FHOD3: variants seen among roughly 807,000 people sequenced by gnomAD.
FHOD3 encodes the protein formin homology 2 domain containing 3, also known as FH1/FH2 domain-containing protein 3.
Under a neutral mutation model 173.0 loss-of-function variants are expected in FHOD3, and 90 were observed. The ratio of observed to expected loss-of-function variants is 0.52; its 90% confidence interval spans 0.44 to 0.62. The LOEUF is 0.62. FHOD3 is among the 20% of genes least tolerant of loss of function. The probability of loss-of-function intolerance (pLI) is 0.00; values close to 1 mark genes in which losing one functional copy is unlikely to be tolerated. For missense variants in FHOD3, 1,945 were observed against 2,034.7 expected (o/e 0.96, Z 0.85); for synonymous variants, 828 against 823.0 (o/e 1.01, Z -0.10).
chr18:36,683,739 A>T (rs2038411370), intron 15 of FHOD3, among the ~76,000 whole-genome samples: 1 of 152,232 alleles, frequency 6.6e-6, no homozygotes, highest in Non-Finnish European at 1.5e-5. Context: ...CCTCCCAAAC[A>T]ATATTGCTAC....
At chr18:36,712,504 T>C (rs2040224033) in intron 18 of FHOD3, among the ~76,000 whole-genome samples, 1 of 151,172 alleles carries the variant, frequency 6.6e-6, no homozygotes. Flanking sequence ...GGCTTAATAG[T>C]AGATTGGAGA....
At chr18:36,515,182 G>A (rs1441932962) in intron 5 of FHOD3, among the ~76,000 whole-genome samples, 3 of 152,262 alleles carry the variant, frequency 2.0e-5, no homozygotes, top group East Asian at 3.9e-4. Context: ...CTCTACCTTA[G>A]TGAATATTTA....
chr18:36,323,133 T>A (rs770126596), intron 1 of FHOD3, among the ~76,000 whole-genome samples: 3 of 152,064 alleles, frequency 2.0e-5, no homozygotes, highest in Non-Finnish European at 4.4e-5. Context: ...ACTCAGGAAA[T>A]GTCTAGCCCA....
At position 36,372,766 on chromosome 18, in the gene FHOD3, G is replaced by A. The variant is rs771703209; in HGVS notation, c.337+22G>A. On this transcript the variant is annotated intron_variant, in intron 3 of 28. Coordinates refer to ENST00000590592, the MANE Select transcript of FHOD3 (RefSeq NM_001281740.3). Reference sequence around the variant, plus strand: ...ATCGGTGAGTGACACCTGCCCTCAGGAACTAAACATATGATGAAAGACGCG... The same window carrying A: ...ATCGGTGAGTGACACCTGCCCTCAGAAACTAAACATATGATGAAAGACGCG... 5 of 1,607,510 alleles carry A rather than the reference G, an allele frequency of 3.1e-6. No homozygotes were observed. In the Admixed American group the frequency reaches 6.7e-5, roughly 21 times the overall value.
chr18:36,451,912 G>A (rs965802337), intron 3 of FHOD3, among the ~76,000 whole-genome samples: 6 of 152,132 alleles, frequency 3.9e-5, no homozygotes, highest in Non-Finnish European at 5.9e-5. Context: ...GATAGCAGCC[G>A]CCCTCTGGAC....
chr18:36,339,442 G>C (rs1009126486), intron 1 of FHOD3, among the ~76,000 whole-genome samples: 1 of 152,210 alleles, frequency 6.6e-6, no homozygotes, highest in African/African-American at 2.4e-5. Context: ...GCAGAAGGGG[G>C]CTCTGCACTT....
Position 36,602,687 on chromosome 18 carries a change from G to C in FHOD3, c.732G>C (p.Trp244Cys). The C allele has an allele frequency of 6.2e-7, 1 of 1,614,026 alleles. No homozygotes were observed. The highest frequency in any genetic ancestry group is 1.1e-5 in the South Asian group (1 of 91,086). ...AVDTKRGVKPWSNIMEILEEK... is the reference protein window; with the variant it reads ...AVDTKRGVKPCSNIMEILEEK... ...CTTTACTCATAGGGGTCAAACCTTG[G>C]TCAAATATCATGGAAATCCTGGAGG... The change falls in exon 8 of 29, where the codon TGG becomes TGC. Residue 244 changes from tryptophan to cysteine, a missense_variant. Physicochemically the swap from Trp to Cys is radical, Grantham distance 215 (BLOSUM62 -2). Coordinates refer to ENST00000590592, the MANE Select transcript of FHOD3 (RefSeq NM_001281740.3).
chr18:36,587,152 G>A (rs1056215586), intron 6 of FHOD3, among the ~76,000 whole-genome samples: 2 of 152,160 alleles, frequency 1.3e-5, no homozygotes, highest in Non-Finnish European at 2.9e-5. Context: ...TTCTGGAGAT[G>A]GTGGGGGGAA....
chr18:36,730,814 G>A lies in FHOD3; in HGVS notation c.3576+10G>A. 1 of 1,611,486 alleles carries A rather than the reference G, an allele frequency of 6.2e-7. No homozygotes were observed. Among genetic ancestry groups the A allele is most frequent in the East Asian group, 2.2e-5 (1 of 44,874 alleles). On this transcript the variant is annotated intron_variant, in intron 20 of 28. Coordinates refer to ENST00000590592, the MANE Select transcript of FHOD3 (RefSeq NM_001281740.3). Reference sequence around the variant, plus strand: ...CAAAGAAGGAATCGAGGTGAGGGAAGCTCTATTAAGCATTATTTGTATTTT... The same window carrying A: ...CAAAGAAGGAATCGAGGTGAGGGAAACTCTATTAAGCATTATTTGTATTTT...
At chr18:36,533,353 G>A (rs993803976) in intron 5 of FHOD3, among the ~76,000 whole-genome samples, 33 of 152,374 alleles carry the variant, frequency 2.2e-4, no homozygotes, top group South Asian at 1.7e-3. Context: ...ACAGCTAGAA[G>A]GGACAGGGCT....
intron 3 of FHOD3, among the ~76,000 whole-genome samples, chr18:36,499,267 C>A (rs1296197829): frequency 2.6e-5 from 4 of 152,078 alleles, no homozygotes; most frequent in African/African-American, 4.8e-5. Context: ...CCATGCCTGG[C>A]AAATTTTTGT....
chr18:36,567,420 G>GTTAGAT (rs1408394200), intron 5 of FHOD3, among the ~76,000 whole-genome samples: 2 of 152,172 alleles, frequency 1.3e-5, no homozygotes, highest in African/African-American at 4.8e-5. Context: ...CCACATCGCT[G>GTTAGAT]TTAGATTTCT....
chr18:36,455,368 G>A (rs1298647051), intron 3 of FHOD3, among the ~76,000 whole-genome samples: 1 of 152,124 alleles, frequency 6.6e-6, no homozygotes, highest in East Asian at 1.9e-4. Context: ...AATGTGTTAG[G>A]GACGAGTTCT....
At position 36,333,734 on chromosome 18, in the gene FHOD3, C is replaced by A. The variant is rs182089383; in HGVS notation, c.166-21805C>A. ...ACTTTTGACCCCACCGCCACCCCTC[C>A]TAACCTATTAATCCTGAAACTCTGG... is the stretch of plus-strand genomic sequence containing the variant. On this transcript the variant is annotated intron_variant, in intron 1 of 28. Coordinates refer to ENST00000590592, the MANE Select transcript of FHOD3 (RefSeq NM_001281740.3). 1.7e-3 allele frequency among the ~76,000 whole-genome samples: 258 copies of A among 152,300 alleles called. 2 individuals carry two copies. The highest frequency in any genetic ancestry group is 5.9e-3 in the African/African-American group (247 of 41,554).
intron 10 of FHOD3, among the ~76,000 whole-genome samples, chr18:36,634,829 A>AAGAG (rs2034769711): frequency 6.6e-6 from 1 of 152,106 alleles, no homozygotes. Context: ...TACTCTGTTA[A>AAGAG]GGTAATTGTT....
At chr18:36,601,335 A>G (rs934883463) in intron 7 of FHOD3, among the ~76,000 whole-genome samples, 2 of 152,186 alleles carry the variant, frequency 1.3e-5, no homozygotes, top group African/African-American at 2.4e-5. Flanking sequence ...TCTTGTAGTA[A>G]GTAGGTACCT....
chr18:36,701,565 G>A (rs373169144), intron 17 of FHOD3, among the ~76,000 whole-genome samples: 1 of 152,110 alleles, frequency 6.6e-6, no homozygotes. Context: ...TTCATATTAA[G>A]TGCATGTCCC....
intron 23 of FHOD3, among the ~76,000 whole-genome samples, chr18:36,745,457 G>C (rs1175484637): frequency 1.3e-5 from 2 of 152,126 alleles, no homozygotes; most frequent in Non-Finnish European, 2.9e-5. Flanking sequence ...TGTCTTGCAT[G>C]CCTCCCTGCC....
At chr18:36,396,760 C>T (rs2048570778) in intron 3 of FHOD3, among the ~76,000 whole-genome samples, 1 of 152,092 alleles carries the variant, frequency 6.6e-6, no homozygotes, top group South Asian at 2.1e-4. Flanking sequence ...TATTAAACTC[C>T]TTATTCTCTT....
Sources: allele counts gnomAD v4.1 joint callset (sites outside exome capture counted in the v4.1 genomes callset), GRCh38; gene constraint gnomAD v4.1.1; transcripts MANE v1.5; gene names NCBI Gene and HGNC (gene_info 2026-07-23, HGNC 2026-07-21).